HDGFL3: variants seen among roughly 807,000 people sequenced by gnomAD.
HDGFL3 encodes the protein hepatoma-derived growth factor-related protein 3.
Under a neutral mutation model 27.6 loss-of-function variants are expected in HDGFL3, and 6 were observed. The observed-to-expected ratio is 0.22, with a 90% CI of 0.12 to 0.43. HDGFL3 has a LOEUF of 0.43. HDGFL3 is among the 20% of genes least tolerant of loss of function. The pLI, the probability that HDGFL3 is intolerant of heterozygous loss-of-function variation, is 1.00. For synonymous variants in HDGFL3, 88 were observed against 88.9 expected, an observed-to-expected ratio of 0.99 and a Z score of 0.05; for missense variants, 207 against 250.1, an observed-to-expected ratio of 0.83 and a Z score of 1.16.
At chr15:83,115,122 C>CT (rs913490363) in exon 4 of HDGFL3, 3,056 of 146,438 alleles carry the variant, frequency 0.021, 38 homozygotes, top group Non-Finnish European at 0.031. Flanking sequence ...AAGTCATTGT[C>CT]TTTTTTTTTT....
At chr15:83,126,228 G>A (rs1171618997), downstream of HDGFL3, among the ~76,000 whole-genome samples, 1 of 152,192 alleles carries the variant, frequency 6.6e-6, no homozygotes, top group African/African-American at 2.4e-5. Context: ...GGGGAGGAAG[G>A]TGACTCAGAG....
chr15:83,185,513 C>T (rs1352392585), intron 1 of HDGFL3, among the ~76,000 whole-genome samples: 3 of 152,176 alleles, frequency 2.0e-5, no homozygotes, highest in Non-Finnish European at 4.4e-5. Flanking sequence ...CACAGACCAT[C>T]AGCTAGAGAC....
rs752525273 is a variant in HDGFL3 at position 83,137,033 on chromosome 15, T to G, written c.*2237A>C. The G allele has an allele frequency of 1.1e-4, 17 of 157,080 alleles. No homozygotes were observed. The highest frequency in any genetic ancestry group is 2.2e-4 in the Non-Finnish European group (16 of 71,350). The allele number at this position is 157,080 out of a possible 1,614,324, so 9.7% of individuals were successfully genotyped here. ...AAAAGAGAATATGGCCTGTGCATAT[T>G]AAAAAATTCAAAACAGTGAATGCAG... On this transcript the variant is annotated 3_prime_UTR_variant, in exon 6 of 6. Transcript: ENST00000299633.
intron 1 of HDGFL3, among the ~76,000 whole-genome samples, chr15:83,181,374 T>C (rs1030008994): frequency 2.2e-4 from 33 of 152,198 alleles, no homozygotes; most frequent in Admixed American, 2.2e-3. Flanking sequence ...GGGAGAGGCG[T>C]AGTCTCTGAC....
chr15:83,156,850 T>C (rs1200658719), intron 4 of HDGFL3, among the ~76,000 whole-genome samples: 1 of 152,092 alleles, frequency 6.6e-6, no homozygotes, highest in African/African-American at 2.4e-5. Flanking sequence ...CCCGCCACCA[T>C]GCCCAGCTAA....
intron 2 of HDGFL3, among the ~76,000 whole-genome samples, chr15:83,160,199 T>C (rs915984536): frequency 5.3e-5 from 8 of 152,090 alleles, no homozygotes; most frequent in Non-Finnish European, 1.0e-4. Flanking sequence ...AGGTTTTTTT[T>C]TTTTTTGAGA....
At chr15:83,141,863 A>G (rs556833529) in intron 5 of HDGFL3, among the ~76,000 whole-genome samples, 8 of 152,368 alleles carry the variant, frequency 5.3e-5, no homozygotes, top group South Asian at 4.1e-4. Context: ...CAGAAAACCT[A>G]TATTTTCTAA....
intron 4 of HDGFL3, among the ~76,000 whole-genome samples, chr15:83,157,066 AG>A (rs2037038923): frequency 6.6e-6 from 1 of 152,188 alleles, no homozygotes; most frequent in African/African-American, 2.4e-5. Flanking sequence ...ACATAGACAT[AG>A]TCTTGAATTA....
At chr15:83,176,844 C>T (rs910206000) in intron 1 of HDGFL3, among the ~76,000 whole-genome samples, 4 of 151,274 alleles carry the variant, frequency 2.6e-5, no homozygotes, top group South Asian at 4.2e-4. Flanking sequence ...AAGTTGGTTT[C>T]CCTAATTCTT....
intron 3 of HDGFL3, chr15:83,115,788 T>G (rs767793447): frequency 2.3e-4 from 260 of 1,127,376 alleles, no homozygotes; most frequent in Non-Finnish European, 1.8e-4. Context: ...GATGCCAAGC[T>G]TGTAGTAATT....
downstream of HDGFL3, chr15:83,127,710 T>C: frequency 2.5e-6 from 1 of 403,570 alleles, no homozygotes; most frequent in African/African-American, 2.1e-5. Flanking sequence ...TTATCTGTGG[T>C]CCAGTGAAGT....
rs1038526487 is a variant in HDGFL3 at position 83,164,148 on chromosome 15, ACTG to A, written c.85-76_85-74del. The A allele has an allele frequency of 6.1e-5, 53 of 872,600 alleles. No homozygotes were observed. The Admixed American group carries it at 1.4e-3, about 24-fold the overall frequency. The allele number at this position is 872,600 out of a possible 1,614,324, so 54.1% of individuals were successfully genotyped here. The stretch of plus-strand genomic sequence containing the variant: ...AATGTGAGCATTGTTCTGATAATTT[ACTG>A]CTAATTTCAAAATAAAATCAATCAA... On this transcript the variant is annotated intron_variant, in intron 1 of 5. Coordinates refer to ENST00000299633, the MANE Select transcript of HDGFL3 (RefSeq NM_016073.4).
At chr15:83,180,959 T>G (rs1408957828) in intron 1 of HDGFL3, 2 of 151,856 alleles carry the variant, frequency 1.3e-5, no homozygotes, top group African/African-American at 4.8e-5. Context: ...AAAAGAACAC[T>G]GTTAAAAGAA....
At chr15:83,186,504 T>A (rs1392990413) in intron 1 of HDGFL3, among the ~76,000 whole-genome samples, 1 of 152,198 alleles carries the variant, frequency 6.6e-6, no homozygotes, top group African/African-American at 2.4e-5. Context: ...CAAATAGAAG[T>A]TAATGAAGAG....
Position 83,131,896 on chromosome 15 carries a change from C to T in HDGFL3, c.*7374G>A, listed in dbSNP as rs1353472850. The T allele has an allele frequency of 6.6e-6, 1 of 152,076 alleles. No individual in the cohort carries two copies. Among genetic ancestry groups the T allele is most frequent in the Admixed American group, 6.6e-5 (1 of 15,266 alleles). 9.4% of individuals were successfully genotyped at this position (152,076 alleles called of 1,614,324 possible). On this transcript the variant is annotated 3_prime_UTR_variant, in exon 6 of 6. Coordinates refer to ENST00000299633, the MANE Select transcript of HDGFL3 (RefSeq NM_016073.4). The stretch of plus-strand genomic sequence containing the variant: ...AAAGGCATTATAGGCTGCTTAGATC[C>T]ACTTATTAGCATTTCCTATCAATTG...
intron 3 of HDGFL3, among the ~76,000 whole-genome samples, chr15:83,121,425 TAGC>T (rs1220911419): frequency 6.6e-6 from 1 of 152,186 alleles, no homozygotes; most frequent in East Asian, 1.9e-4. Flanking sequence ...GGTATATGTC[TAGC>T]AGCTCCTTTG....
At chr15:83,159,883 A>G (rs930645362) in intron 2 of HDGFL3, among the ~76,000 whole-genome samples, 6 of 152,220 alleles carry the variant, frequency 3.9e-5, no homozygotes, top group African/African-American at 1.4e-4. Context: ...GGCCACTATA[A>G]AGGCTTTGAG....
chr15:83,183,943 A>G (rs2037411287), intron 1 of HDGFL3, among the ~76,000 whole-genome samples: 1 of 152,134 alleles, frequency 6.6e-6, no homozygotes, highest in East Asian at 1.9e-4. Context: ...CCCTAGTTAT[A>G]TGCAAGATTT....
chr15:83,198,992 T>C (rs575910651), intron 1 of HDGFL3, among the ~76,000 whole-genome samples: 1 of 152,334 alleles, frequency 6.6e-6, no homozygotes, highest in African/African-American at 2.4e-5. Flanking sequence ...TTAATATTTA[T>C]TTCTCACTGT....
Sources: gnomAD v4.1 joint callset for allele counts (sites outside exome capture counted in the v4.1 genomes callset) on GRCh38, gnomAD v4.1.1 for gene constraint, MANE v1.5 for transcripts, NCBI Gene and HGNC (gene_info 2026-07-23, HGNC 2026-07-21) for gene names.